SMYD3: variants seen among roughly 807,000 people sequenced by gnomAD.
SMYD3 encodes SET and MYND domain containing 3, also known as histone-lysine N-methyltransferase SMYD3.
In SMYD3, 36 loss-of-function variants were observed where a neutral mutation model predicts 57.7. That is an observed-to-expected ratio of 0.62 (90% CI 0.48 to 0.82). The LOEUF is 0.82. SMYD3 is among the 40% of genes least tolerant of loss of function. The probability of loss-of-function intolerance (pLI) is 0.00; values close to 1 mark genes in which losing one functional copy is unlikely to be tolerated. For missense variants in SMYD3, 515 were observed against 538.8 expected (o/e 0.96, Z 0.44); for synonymous variants, 211 against 195.0 (o/e 1.08, Z -0.68).
At chr1:246,407,029 G>A (rs1379087811) in intron 1 of SMYD3, among the ~76,000 whole-genome samples, 1 of 152,212 alleles carries the variant, frequency 6.6e-6, no homozygotes, top group Non-Finnish European at 1.5e-5. Flanking sequence ...ATAAAACTCT[G>A]CTATTCAGAA....
chr1:246,506,842 A>G (rs1572067682), intron 1 of SMYD3, among the ~76,000 whole-genome samples: 2 of 139,200 alleles, frequency 1.4e-5, no homozygotes, highest in Admixed American at 7.1e-5. Flanking sequence ...GCCCCCTCCC[A>G]GCCCCGCTGC....
intron 1 of SMYD3, among the ~76,000 whole-genome samples, chr1:246,388,570 G>A (rs1315451804): frequency 0.015 from 3 of 200 alleles, no homozygotes; most frequent in African/African-American, 0.038. Flanking sequence ...CAGTTTCTAG[G>A]GGACCTCCTT....
At chr1:246,291,523 A>G (rs1412585979) in intron 5 of SMYD3, among the ~76,000 whole-genome samples, 1 of 152,234 alleles carries the variant, frequency 6.6e-6, no homozygotes, top group African/African-American at 2.4e-5. Context: ...CATACATTTT[A>G]AAATATATTT....
At chr1:246,279,294 G>A (rs1039681255) in intron 5 of SMYD3, among the ~76,000 whole-genome samples, 2 of 152,200 alleles carry the variant, frequency 1.3e-5, no homozygotes, top group Non-Finnish European at 2.9e-5. Flanking sequence ...GCTGAGGCGG[G>A]TGGATCACCT....
At chr1:246,376,952 T>C (rs1420044788) in intron 1 of SMYD3, among the ~76,000 whole-genome samples, 3 of 151,780 alleles carry the variant, frequency 2.0e-5, no homozygotes, top group African/African-American at 7.3e-5. Flanking sequence ...ATACAAAAAT[T>C]ATCTGGGCAT....
At chr1:245,801,926 A>C (rs759201723) in intron 10 of SMYD3, among the ~76,000 whole-genome samples, 2 of 152,024 alleles carry the variant, frequency 1.3e-5, no homozygotes, top group Non-Finnish European at 2.9e-5. Flanking sequence ...CAAAAAAAAA[A>C]ACCTTTGAGT....
At chr1:246,421,808 A>G (rs376017356) in intron 1 of SMYD3, among the ~76,000 whole-genome samples, 1 of 152,230 alleles carries the variant, frequency 6.6e-6, no homozygotes, top group East Asian at 1.9e-4. Context: ...CACACTCGAA[A>G]GCTGGGGGAC....
At chr1:246,272,856 G>A (rs2064248001) in intron 5 of SMYD3, among the ~76,000 whole-genome samples, 1 of 152,170 alleles carries the variant, frequency 6.6e-6, no homozygotes, top group Non-Finnish European at 1.5e-5. Flanking sequence ...GTTTGAGAAA[G>A]ATTAGTATCA....
At chr1:246,354,904 G>A in intron 2 of SMYD3, 127 bp downstream of exon 2, 1 of 788,320 alleles carries the variant, frequency 1.3e-6, no homozygotes, top group South Asian at 1.7e-5. Flanking sequence ...GACTCAGCAG[G>A]TGAATAACAA....
In SMYD3 at chr1:246,457,554, G is replaced by A. The variant is rs1046829385; in HGVS notation, c.164+49500C>T. Among the ~76,000 whole-genome samples the A allele has an allele frequency of 5.0e-3, 361 of 72,186 alleles. 3 individuals are homozygous for A. The highest frequency in any genetic ancestry group is 8.8e-3 in the African/African-American group (187 of 21,346). 47.4% of individuals were successfully genotyped at this position (72,186 alleles called of 152,430 possible). On this transcript the variant is annotated intron_variant, in intron 1 of 11. Coordinates refer to ENST00000490107, the MANE Select transcript of SMYD3 (RefSeq NM_001167740.2). ...CCTCAAAAAAAAAAAAAAAAGAAAA[G>A]AAAAGAAAAGAAAAGAAAAGAAAAA...
chr1:246,379,564 G>C (rs144375592), intron 1 of SMYD3, among the ~76,000 whole-genome samples: 3 of 152,068 alleles, frequency 2.0e-5, no homozygotes, highest in Admixed American at 6.6e-5. Context: ...CTGAATTAAC[G>C]TAACAGTTGA....
chr1:246,398,949 G>A (rs1045696890), intron 1 of SMYD3, among the ~76,000 whole-genome samples: 4 of 151,838 alleles, frequency 2.6e-5, no homozygotes, highest in African/African-American at 9.7e-5. Flanking sequence ...TACCATAAAG[G>A]AGTAGATAGT....
intron 1 of SMYD3, among the ~76,000 whole-genome samples, chr1:246,417,815 T>C (rs1460039545): frequency 6.6e-6 from 1 of 152,200 alleles, no homozygotes; most frequent in Non-Finnish European, 1.5e-5. Flanking sequence ...TCATTAGTTT[T>C]ACAAATGCAG....
intron 5 of SMYD3, among the ~76,000 whole-genome samples, chr1:246,256,914 T>G (rs1468827972): frequency 6.6e-6 from 1 of 152,234 alleles, no homozygotes; most frequent in African/African-American, 2.4e-5. Context: ...CTTAATTTCA[T>G]TGTTTACACA....
At chr1:246,051,762 C>T (rs1016730902) in intron 5 of SMYD3, among the ~76,000 whole-genome samples, 16 of 152,100 alleles carry the variant, frequency 1.1e-4, no homozygotes, top group African/African-American at 3.6e-4. Context: ...AGTATATAGG[C>T]TACTAAAAAG....
chr1:246,379,473 A>G (rs2066352397), intron 1 of SMYD3, among the ~76,000 whole-genome samples: 1 of 152,204 alleles, frequency 6.6e-6, no homozygotes, highest in East Asian at 1.9e-4. Flanking sequence ...AGAATTTTAT[A>G]AAGCTTTGAA....
chr1:246,317,603 C>T (rs1050548328), intron 5 of SMYD3, among the ~76,000 whole-genome samples: 1 of 152,174 alleles, frequency 6.6e-6, no homozygotes, highest in Non-Finnish European at 1.5e-5. Context: ...GTATTGTACA[C>T]GGGGCCTTTC....
intron 5 of SMYD3, among the ~76,000 whole-genome samples, chr1:246,128,978 G>GT (rs1170086724): frequency 6.6e-6 from 1 of 151,548 alleles, no homozygotes; most frequent in East Asian, 1.9e-4. Context: ...TAATTTTTTT[G>GT]TATTTTTCGG....
intron 1 of SMYD3, among the ~76,000 whole-genome samples, chr1:246,391,420 AAGAGAG>A (rs55713238): frequency 0.028 from 3,704 of 130,080 alleles, 173 homozygotes; most frequent in African/African-American, 0.098. Flanking sequence ...GAGAGAGAAA[AAGAGAG>A]AGAGAGAGAG....
Sources: gnomAD v4.1 joint callset for allele counts (sites outside exome capture counted in the v4.1 genomes callset) on GRCh38, gnomAD v4.1.1 for gene constraint, MANE v1.5 for transcripts, NCBI Gene and HGNC (gene_info 2026-07-23, HGNC 2026-07-21) for gene names.